Variants in SSH2 observed in about 807,000 individuals in gnomAD.
The protein encoded by SSH2 is protein phosphatase Slingshot homolog 2.
SSH2 carries 37 observed loss-of-function variants against 135.2 expected under a neutral mutation model. The observed-to-expected ratio is 0.27, with a 90% CI of 0.21 to 0.36. The LOEUF is 0.36. Among genes scored for constraint, SSH2 ranks in the 10% least tolerant of loss-of-function variants. SSH2 has a pLI of 1.00. For synonymous variants in SSH2, 628 were observed against 646.2 expected (o/e 0.97, Z 0.43); for missense variants, 1,408 against 1,765.3 (o/e 0.80, Z 3.63).
intron 11 of SSH2, among the ~76,000 whole-genome samples, chr17:29,666,264 C>T (rs2037270670): frequency 6.6e-6 from 1 of 152,172 alleles, no homozygotes; most frequent in Middle Eastern, 3.2e-3. Context: ...GTCCCAGCTA[C>T]TCAGGAGGCT....
At chr17:29,906,047 G>A (rs931887333) in intron 1 of SSH2, among the ~76,000 whole-genome samples, 1 of 152,184 alleles carries the variant, frequency 6.6e-6, no homozygotes, top group African/African-American at 2.4e-5. Context: ...GCTACCCACT[G>A]CGGGTCTCCT....
intron 7 of SSH2, 41 bp downstream of exon 7, chr17:29,677,632 C>A: frequency 6.4e-7 from 1 of 1,551,500 alleles, no homozygotes; most frequent in Non-Finnish European, 8.9e-7. Flanking sequence ...GAGCCCCACC[C>A]CTTGGCTTTC....
intron 3 of SSH2, among the ~76,000 whole-genome samples, chr17:29,779,604 A>T (rs926678960): frequency 4.7e-5 from 7 of 148,554 alleles, no homozygotes; most frequent in Non-Finnish European, 9.0e-5. Flanking sequence ...CTTTGGGGTC[A>T]GGATTCGAGA....
At chr17:29,753,108 A>T (rs2041001167) in intron 3 of SSH2, among the ~76,000 whole-genome samples, 1 of 152,172 alleles carries the variant, frequency 6.6e-6, no homozygotes, top group Non-Finnish European at 1.5e-5. Flanking sequence ...CTTAGATAGT[A>T]AATGTTCAGT....
chr17:29,927,475 A>C (rs1597526387), intron 1 of SSH2, among the ~76,000 whole-genome samples: 1 of 152,208 alleles, frequency 6.6e-6, no homozygotes, highest in African/African-American at 2.4e-5. Context: ...TATAGTGTAA[A>C]AGTATTAACA....
chr17:29,702,184 C>T (rs1013903726), intron 4 of SSH2, among the ~76,000 whole-genome samples: 4 of 152,022 alleles, frequency 2.6e-5, no homozygotes, highest in Non-Finnish European at 5.9e-5. Context: ...GAAACACCAT[C>T]TCTACTAAAA....
chr17:29,843,559 G>GAAA (rs1313720457), intron 2 of SSH2, among the ~76,000 whole-genome samples: 1 of 122,902 alleles, frequency 8.1e-6, no homozygotes, highest in African/African-American at 3.0e-5. Flanking sequence ...TCAGTCTCAA[G>GAAA]AAAAAAAAAA....
intron 3 of SSH2, among the ~76,000 whole-genome samples, chr17:29,751,626 G>A (rs897946896): frequency 2.0e-5 from 3 of 152,066 alleles, no homozygotes; most frequent in East Asian, 1.9e-4. Context: ...ATTATGCTAC[G>A]ACATTATGAC....
At chr17:29,840,581 A>T (rs2043023192) in intron 2 of SSH2, among the ~76,000 whole-genome samples, 1 of 152,208 alleles carries the variant, frequency 6.6e-6, no homozygotes, top group Middle Eastern at 3.2e-3. Flanking sequence ...CACAAGCCAA[A>T]TTAGGGATGG....
At chr17:29,699,642 G>T (rs1055228180) in intron 4 of SSH2, among the ~76,000 whole-genome samples, 6 of 152,270 alleles carry the variant, frequency 3.9e-5, no homozygotes, top group Middle Eastern at 3.4e-3. Flanking sequence ...CCAGTGCCAG[G>T]AGCTTTAAAA....
chr17:29,800,787 A>G lies in SSH2; in HGVS notation c.145-6850T>C, dbSNP rs531160097. Among the ~76,000 whole-genome samples the G allele has an allele frequency of 1.8e-4, 28 of 151,994 alleles. No homozygotes were observed. The East Asian group carries it at 4.8e-3, about 26-fold the overall frequency. ...AGTATAATTACTTCTTATGTTCTTAAGAAAAAATTGACCTAGAAACAGTAA... is the reference window on the plus strand; with the variant it reads ...AGTATAATTACTTCTTATGTTCTTAGGAAAAAATTGACCTAGAAACAGTAA... On this transcript the variant is annotated intron_variant, in intron 2 of 15. Coordinates refer to ENST00000540801, the MANE Select transcript of SSH2 (RefSeq NM_001282129.2).
intron 1 of SSH2, 57 bp from the exon 2 acceptor site, chr17:29,848,986 G>A (rs998656147): frequency 8.3e-7 from 1 of 1,201,632 alleles, no homozygotes; most frequent in African/African-American, 1.5e-5. Context: ...ATAAGCACGA[G>A]GGGAAAAGCA....
intron 3 of SSH2, among the ~76,000 whole-genome samples, chr17:29,761,979 C>G (rs1287327374): frequency 6.6e-6 from 1 of 151,682 alleles, no homozygotes; most frequent in Non-Finnish European, 1.5e-5. Flanking sequence ...CTCCCAGGTT[C>G]AAGCGATTCT....
At chr17:29,901,072 T>C (rs1231228915) in intron 1 of SSH2, among the ~76,000 whole-genome samples, 2 of 151,912 alleles carry the variant, frequency 1.3e-5, no homozygotes, top group East Asian at 3.9e-4. Context: ...AGGTGGGAAT[T>C]GAACAATGAG....
chr17:29,801,733 T>A (rs1003405109), intron 2 of SSH2, among the ~76,000 whole-genome samples: 1 of 152,208 alleles, frequency 6.6e-6, no homozygotes. Context: ...CCTTTGCATC[T>A]CACTCTGTGT....
At position 29,629,831 on chromosome 17, in the gene SSH2, A is replaced by G. The variant is rs1330495756; in HGVS notation, c.*1010T>C. 6 of 152,816 alleles carry G rather than the reference A, an allele frequency of 3.9e-5. No individual in the cohort carries two copies. The East Asian group carries it at 1.2e-3, about 29-fold the overall frequency. The allele number at this position is 152,816 out of a possible 1,614,324, so 9.5% of individuals were successfully genotyped here. On this transcript the variant is annotated 3_prime_UTR_variant, in exon 16 of 16. Coordinates refer to ENST00000540801, the MANE Select transcript of SSH2 (RefSeq NM_001282129.2). ...TAAAAAAATAGGCAGCATGGGGACAACAGCATGGGGAAGGAAAATAAACTG... is the reference window on the plus strand; with the variant it reads ...TAAAAAAATAGGCAGCATGGGGACAGCAGCATGGGGAAGGAAAATAAACTG...
At chr17:29,660,597 C>T (rs2036991236) in intron 11 of SSH2, among the ~76,000 whole-genome samples, 1 of 151,968 alleles carries the variant, frequency 6.6e-6, no homozygotes, top group African/African-American at 2.4e-5. Context: ...AAATGAAAAC[C>T]CCTTCCCACC....
At chr17:29,716,220 C>A (rs1031607009) in intron 3 of SSH2, 4 of 280,022 alleles carry the variant, frequency 1.4e-5, no homozygotes, top group Non-Finnish European at 2.1e-5. Flanking sequence ...AAAACAACCT[C>A]CATGCCCCCA....
intron 3 of SSH2, among the ~76,000 whole-genome samples, chr17:29,780,859 C>A (rs930504181): frequency 2.0e-5 from 3 of 151,990 alleles, no homozygotes; most frequent in African/African-American, 7.3e-5. Context: ...GTCGCCCAGG[C>A]TGGAGTGCAG....
Sources: gnomAD v4.1 joint callset for allele counts (sites outside exome capture counted in the v4.1 genomes callset) on GRCh38, gnomAD v4.1.1 for gene constraint, MANE v1.5 for transcripts, NCBI Gene and HGNC (gene_info 2026-07-23, HGNC 2026-07-21) for gene names.